The following MSH3 variants were observed in gnomAD, a reference collection of about 807,000 sequenced individuals.
The protein encoded by MSH3 is mutS homolog 3, also known as DNA mismatch repair protein Msh3.
In MSH3, 106 loss-of-function variants were observed where a neutral mutation model predicts 123.3. The ratio of observed to expected loss-of-function variants is 0.86; its 90% CI spans 0.73 to 1.01. The LOEUF is 1.01. Among genes scored for constraint, MSH3 ranks in the 50% least tolerant of loss-of-function variants. The pLI is 0.00. For synonymous variants in MSH3, 515 were observed against 481.4 expected, an observed-to-expected ratio of 1.07 and a Z score of -0.91; for missense variants, 1,459 against 1,347.6, an observed-to-expected ratio of 1.08 and a Z score of -1.29.
At chr5:80,740,340 G>A (rs1438220034) in intron 10 of MSH3, among the ~76,000 whole-genome samples, 1 of 151,092 alleles carries the variant, frequency 6.6e-6, no homozygotes, top group Non-Finnish European at 1.5e-5. Context: ...CCATGGTAAT[G>A]TGTGTTTTTT....
At chr5:80,816,385 A>C (rs1194103889) in intron 20 of MSH3, among the ~76,000 whole-genome samples, 1 of 152,214 alleles carries the variant, frequency 6.6e-6, no homozygotes. Context: ...GAAGGAAGGA[A>C]GTATATTTCA....
chr5:80,829,751 G>A (rs1745387265), intron 20 of MSH3, among the ~76,000 whole-genome samples: 1 of 152,162 alleles, frequency 6.6e-6, no homozygotes, highest in African/African-American at 2.4e-5. Flanking sequence ...CTTATAGAAT[G>A]TGTCAGGAAG....
chr5:80,872,496 G>A (rs1746235723), intron 22 of MSH3, among the ~76,000 whole-genome samples: 1 of 151,394 alleles, frequency 6.6e-6, no homozygotes, highest in Non-Finnish European at 1.5e-5. Flanking sequence ...AAATTATATT[G>A]TATCAACCAC....
intron 20 of MSH3, among the ~76,000 whole-genome samples, chr5:80,839,700 T>C (rs575627837): frequency 6.6e-6 from 1 of 152,340 alleles, no homozygotes; most frequent in South Asian, 2.1e-4. Flanking sequence ...ACTCTAAACA[T>C]GTTGATAGCC....
intron 19 of MSH3, among the ~76,000 whole-genome samples, chr5:80,810,225 A>G (rs1453487718): frequency 7.1e-6 from 1 of 141,824 alleles, no homozygotes; most frequent in Non-Finnish European, 1.5e-5. Flanking sequence ...TGTTTTGTGT[A>G]TTTTAAAAAA....
intron 21 of MSH3, among the ~76,000 whole-genome samples, chr5:80,860,041 C>T (rs1470518982): frequency 6.6e-6 from 1 of 152,076 alleles, no homozygotes; most frequent in African/African-American, 2.4e-5. Context: ...ACAAAATAAT[C>T]CTGATTACTT....
chr5:80,832,912 C>T (rs1580077844), intron 20 of MSH3, among the ~76,000 whole-genome samples: 2 of 152,170 alleles, frequency 1.3e-5, no homozygotes, highest in Middle Eastern at 6.8e-3. Context: ...ATTTTCCTTG[C>T]AAAAGGCCCA....
At position 80,825,537 on chromosome 5, in the gene MSH3, A is replaced by G. The variant is rs114083507; in HGVS notation, c.2813+11796A>G. ...ATGCCAATTTTTTGCAAATATAAAC[A>G]GTCATATTTGTGACTTGTCTCATAC... On this transcript the variant is annotated intron_variant, in intron 20 of 23. Coordinates refer to ENST00000265081, the MANE Select transcript of MSH3 (RefSeq NM_002439.5). Among the ~76,000 whole-genome samples the G allele has an allele frequency of 8.0e-3, 1,221 of 152,256 alleles. 17 individuals carry two copies. Among genetic ancestry groups the G allele is most frequent in the African/African-American group, 0.028 (1,166 of 41,538 alleles).
intron 20 of MSH3, among the ~76,000 whole-genome samples, chr5:80,819,149 A>G (rs991746825): frequency 2.0e-5 from 3 of 152,004 alleles, no homozygotes; most frequent in Non-Finnish European, 4.4e-5. Context: ...TCATTAATTT[A>G]TAGCATGTGG....
intron 20 of MSH3, among the ~76,000 whole-genome samples, chr5:80,837,788 A>C (rs1745543334): frequency 6.6e-6 from 1 of 152,236 alleles, no homozygotes; most frequent in Non-Finnish European, 1.5e-5. Context: ...CCCCAGACAC[A>C]GCTTAGCTAG....
intron 3 of MSH3, among the ~76,000 whole-genome samples, chr5:80,669,749 C>T (rs555223274): frequency 6.6e-6 from 1 of 152,226 alleles, no homozygotes; most frequent in East Asian, 1.9e-4. Context: ...GCCTTTTGTG[C>T]ATTACACACC....
chr5:80,750,078 A>AGTGTGTGTGTGTGTGTGTGT (rs57762095), intron 12 of MSH3, among the ~76,000 whole-genome samples: 2,383 of 134,152 alleles, frequency 0.018, 36 homozygotes, highest in Middle Eastern at 0.03. Flanking sequence ...AGTATTCCAG[A>AGTGTGTGTGTGTGTGTGTGT]GTGTGTGTGT....
At chr5:80,839,025 C>G (rs964896644) in intron 20 of MSH3, among the ~76,000 whole-genome samples, 2 of 152,174 alleles carry the variant, frequency 1.3e-5, no homozygotes, top group African/African-American at 4.8e-5. Context: ...CTCAATCTCT[C>G]TGAATGTCTC....
chr5:80,866,369 A>G (rs894284511), intron 22 of MSH3, among the ~76,000 whole-genome samples: 3 of 152,102 alleles, frequency 2.0e-5, no homozygotes, highest in Admixed American at 2.0e-4. Flanking sequence ...AAACTGTTGA[A>G]TTCAAGTGAT....
intron 3 of MSH3, among the ~76,000 whole-genome samples, chr5:80,667,836 T>C (rs924287433): frequency 2.6e-5 from 4 of 152,072 alleles, no homozygotes; most frequent in Non-Finnish European, 4.4e-5. Context: ...TCCCCAGAGG[T>C]CCACAGCTCT....
chr5:80,819,466 GTA>G (rs3073812), intron 20 of MSH3, among the ~76,000 whole-genome samples: 4,882 of 145,672 alleles, frequency 0.034, 249 homozygotes, highest in African/African-American at 0.11. Flanking sequence ...GTGTGTGTGT[GTA>G]TATATATATA....
chr5:80,826,988 C>T (rs1232503472), intron 20 of MSH3, among the ~76,000 whole-genome samples: 1 of 152,106 alleles, frequency 6.6e-6, no homozygotes, highest in Non-Finnish European at 1.5e-5. Flanking sequence ...GATATGTGTA[C>T]TCATCGATGA....
At chr5:80,780,479 A>C (rs1269466145) in intron 17 of MSH3, among the ~76,000 whole-genome samples, 1 of 152,242 alleles carries the variant, frequency 6.6e-6, no homozygotes, top group Admixed American at 6.5e-5. Flanking sequence ...ATTCAGCCCC[A>C]GCCATCCGGC....
intron 13 of MSH3, among the ~76,000 whole-genome samples, chr5:80,766,432 G>A (rs1229161800): frequency 7.6e-6 from 1 of 131,480 alleles, no homozygotes; most frequent in Non-Finnish European, 1.6e-5. Flanking sequence ...TGCAGTCTCC[G>A]CCTTCCAGGC....
Sources: allele counts gnomAD v4.1 joint callset (sites outside exome capture counted in the v4.1 genomes callset), GRCh38; gene constraint gnomAD v4.1.1; transcripts MANE v1.5; gene names NCBI Gene and HGNC (gene_info 2026-07-23, HGNC 2026-07-21).